The following WHRN variants were observed in gnomAD, a reference collection of about 807,000 sequenced individuals.
WHRN encodes whirlin, also known as CASK-interacting protein CIP98.
Under a neutral mutation model 68.3 loss-of-function variants are expected in WHRN, and 41 were observed. The observed-to-expected ratio is 0.60, with a 90% CI of 0.47 to 0.78. The LOEUF (loss-of-function observed/expected upper bound fraction) is 0.78, where lower values mean the gene tolerates loss of function less well. Ranked by LOEUF, WHRN falls within the 30% of genes least tolerant of loss-of-function variation. The pLI, the probability that WHRN is intolerant of heterozygous loss-of-function variation, is 0.00. For synonymous variants in WHRN, 560 were observed against 561.3 expected, an observed-to-expected ratio of 1.00 and a Z score of 0.03; for missense variants, 1,243 against 1,244.7, an observed-to-expected ratio of 1.00 and a Z score of 0.02.
intron 3 of WHRN, among the ~76,000 whole-genome samples, chr9:114,434,534 A>T (rs1424217628): frequency 8.2e-5 from 4 of 49,048 alleles, no homozygotes; most frequent in African/African-American, 2.1e-4. Context: ...CTTTCCTCCA[A>T]GCCTGGTCCT....
At chr9:114,437,491 TC>T (rs928287567) in intron 3 of WHRN, among the ~76,000 whole-genome samples, 13 of 151,608 alleles carry the variant, frequency 8.6e-5, no homozygotes, top group South Asian at 4.2e-4. Context: ...AATGTTTGTG[TC>T]CCCCCCCAAA....
At chr9:114,483,903 G>A (rs1407155902) in intron 1 of WHRN, among the ~76,000 whole-genome samples, 2 of 152,188 alleles carry the variant, frequency 1.3e-5, no homozygotes, top group Non-Finnish European at 2.9e-5. Flanking sequence ...GAGATCAGGG[G>A]CTCTGGGACA....
At chr9:114,454,649 G>C (rs1839617678) in intron 3 of WHRN, among the ~76,000 whole-genome samples, 1 of 151,260 alleles carries the variant, frequency 6.6e-6, no homozygotes, top group African/African-American at 2.4e-5. Context: ...ATTTGATCTA[G>C]ATTCAACACA....
chr9:114,450,856 A>G (rs1235662088), intron 3 of WHRN, among the ~76,000 whole-genome samples: 1 of 150,614 alleles, frequency 6.6e-6, no homozygotes, highest in Non-Finnish European at 1.5e-5. Context: ...CTTTCTGCTG[A>G]GATACAGCTT....
intron 1 of WHRN, among the ~76,000 whole-genome samples, chr9:114,502,688 A>AT (rs1456440951): frequency 2.0e-5 from 3 of 152,218 alleles, no homozygotes; most frequent in African/African-American, 7.2e-5. Context: ...TTTCCAAAGC[A>AT]TATCACCTTA....
chr9:114,446,466 T>C (rs996993160), intron 3 of WHRN, among the ~76,000 whole-genome samples: 1 of 152,122 alleles, frequency 6.6e-6, no homozygotes, highest in African/African-American at 2.4e-5. Flanking sequence ...AAACCACTGA[T>C]TTGCACACTT....
intron 7 of WHRN, among the ~76,000 whole-genome samples, chr9:114,408,422 G>T (rs1835193163): frequency 1.3e-5 from 2 of 152,198 alleles, no homozygotes; most frequent in Non-Finnish European, 2.9e-5. Flanking sequence ...GAAGTGGATG[G>T]GGAAAGTCTC....
At chr9:114,469,143 C>CTAGGAAACAGTGG (rs1470040093) in intron 2 of WHRN, among the ~76,000 whole-genome samples, 1 of 152,202 alleles carries the variant, frequency 6.6e-6, no homozygotes, top group African/African-American at 2.4e-5. Context: ...CAGGGAAGCA[C>CTAGGAAACAGTGG]TAGGAAACAG....
rs1840711108 is a variant in WHRN at position 114,466,527 on chromosome 9, G to A, written c.838-135C>T. 9 of 1,282,288 alleles carry A rather than the reference G, an allele frequency of 7.0e-6. No homozygotes were observed. In the South Asian group the frequency reaches 1.1e-4, roughly 16 times the overall value. 79.4% of individuals were successfully genotyped at this position (1,282,288 alleles called of 1,614,324 possible). On this transcript the variant is annotated intron_variant, in intron 2 of 11. Coordinates refer to ENST00000362057, the MANE Select transcript of WHRN (RefSeq NM_015404.4). ...GGCAAGGAGGCCCAGGCCAAGGCCT[G>A]GAAGATACCCTAGAACATTCCAGTT...
At chr9:114,488,403 T>C (rs1163601554) in intron 1 of WHRN, among the ~76,000 whole-genome samples, 1 of 152,134 alleles carries the variant, frequency 6.6e-6, no homozygotes, top group Non-Finnish European at 1.5e-5. Flanking sequence ...GGTGGTGAAG[T>C]GTCTATGCAC....
intron 9 of WHRN, among the ~76,000 whole-genome samples, chr9:114,405,958 A>G (rs1834994146): frequency 6.6e-6 from 1 of 152,182 alleles, no homozygotes; most frequent in South Asian, 2.1e-4. Context: ...CTGCCACTTC[A>G]GTTTCCAGCA....
At chr9:114,472,672 CT>C (rs1009744550) in intron 2 of WHRN, among the ~76,000 whole-genome samples, 2 of 152,140 alleles carry the variant, frequency 1.3e-5, no homozygotes, top group Non-Finnish European at 2.9e-5. Flanking sequence ...GTTGTCTGTT[CT>C]TTGTCTGTTC....
intron 3 of WHRN, among the ~76,000 whole-genome samples, chr9:114,465,615 C>G (rs567870282): frequency 1.3e-5 from 2 of 152,298 alleles, no homozygotes; most frequent in East Asian, 3.9e-4. Flanking sequence ...AGTCTTGTCT[C>G]TCTGAGCAAG....
At chr9:114,463,793 A>C (rs1033227695) in intron 3 of WHRN, among the ~76,000 whole-genome samples, 2 of 152,192 alleles carry the variant, frequency 1.3e-5, no homozygotes, top group Non-Finnish European at 2.9e-5. Context: ...CAAAGCAAGC[A>C]CCTAGATCCA....
chr9:114,429,213 G>A (rs1318859948), intron 3 of WHRN, among the ~76,000 whole-genome samples: 2 of 152,216 alleles, frequency 1.3e-5, no homozygotes, highest in Non-Finnish European at 2.9e-5. Context: ...TTACAGGCGT[G>A]AGCCACCGCG....
intron 3 of WHRN, 152 bp from the exon 4 acceptor site, chr9:114,426,565 C>G: frequency 3.4e-6 from 3 of 880,466 alleles, no homozygotes; most frequent in Non-Finnish European, 5.5e-6. Flanking sequence ...GAGGGTCACA[C>G]AGCAAGTCAA....
chr9:114,423,343 C>G lies in WHRN; in HGVS notation c.1597G>C (p.Gly533Arg), dbSNP rs752659496. 6.2e-7 allele frequency: 1 copy of G among 1,613,938 alleles called. No individual in the cohort carries two copies. The highest frequency in any genetic ancestry group is 8.5e-7 in the Non-Finnish European group (1 of 1,179,922). Reference protein sequence around the residue: ...SDTGSSTGSHGTSTTVSSARN... With the variant: ...SDTGSSTGSHRTSTTVSSARN... ...GCCGAGCTGACGGTGGTGGAGGTGC[C>G]GTGGCTGCCTGTGGATGAACCCGTG... The change falls in exon 7 of 12, where the codon GGC (glycine) becomes CGC (arginine). Residue 533 changes from glycine (G) to arginine (R), a missense_variant. Transcript: ENST00000362057.
chr9:114,499,180 C>G (rs946377569), intron 1 of WHRN, among the ~76,000 whole-genome samples: 1 of 152,176 alleles, frequency 6.6e-6, no homozygotes, highest in Non-Finnish European at 1.5e-5. Context: ...ATGCTGCTTC[C>G]TGCAGCTGAC....
In WHRN at chr9:114,478,599, T is replaced by A; in HGVS notation, c.791A>T (p.Asp264Val). The A allele has an allele frequency of 6.2e-7, 1 of 1,614,022 alleles. No individual in the cohort carries two copies. Among genetic ancestry groups the A allele is most frequent in the Non-Finnish European group, 8.5e-7 (1 of 1,179,932 alleles). The change falls in exon 2 of 12, where the codon GAC (aspartate) becomes GTC (valine). Residue 264 changes from aspartate (D) to valine (V), a missense_variant. Coordinates refer to ENST00000362057, the MANE Select transcript of WHRN (RefSeq NM_015404.4). The part of the protein sequence containing the change: ...HGGALRQQEG[D>V]RRSTLHLLQG... Reference sequence around the variant, plus strand: ...CAGGAGGTGCAGGGTGCTCCTCCGGTCACCCTCCTGCTGCCTCAGGGCACC... The same window carrying A: ...CAGGAGGTGCAGGGTGCTCCTCCGGACACCCTCCTGCTGCCTCAGGGCACC...
Sources: allele counts gnomAD v4.1 joint callset (sites outside exome capture counted in the v4.1 genomes callset), GRCh38; gene constraint gnomAD v4.1.1; transcripts MANE v1.5; gene names NCBI Gene and HGNC (gene_info 2026-07-23, HGNC 2026-07-21).